SNTG2: variants seen among roughly 807,000 people sequenced by gnomAD.
SNTG2 encodes the protein gamma-2-syntrophin.
Under a neutral mutation model 70.9 loss-of-function variants are expected in SNTG2, and 74 were observed. The observed-to-expected ratio is 1.04, with a 90% CI of 0.86 to 1.27. The LOEUF is 1.27. Ranked by LOEUF, SNTG2 falls within the 50% of genes most tolerant of loss-of-function variation. SNTG2 has a pLI of 0.00. For missense variants in SNTG2, 717 were observed against 690.7 expected (o/e 1.04, Z -0.43); for synonymous variants, 278 against 273.8 (o/e 1.02, Z -0.15).
chr2:1,077,855 T>A (rs1002861319), intron 1 of SNTG2, among the ~76,000 whole-genome samples: 2 of 152,204 alleles, frequency 1.3e-5, no homozygotes, highest in Non-Finnish European at 2.9e-5. Flanking sequence ...AAGATCTTTC[T>A]CCGTAGGAAT....
chr2:1,039,430 CTT>C (rs1661307881), intron 1 of SNTG2, among the ~76,000 whole-genome samples: 1 of 152,058 alleles, frequency 6.6e-6, no homozygotes, highest in Admixed American at 6.6e-5. Context: ...GTTAAAAAGT[CTT>C]TTGATCTTTG....
intron 9 of SNTG2, among the ~76,000 whole-genome samples, chr2:1,229,958 G>A (rs1002819301): frequency 1.8e-4 from 27 of 152,180 alleles, no homozygotes; most frequent in Admixed American, 5.9e-4. Context: ...CGCAGCCCCC[G>A]TTCCCGCTCG....
chr2:1,139,689 C>T (rs570312538), intron 6 of SNTG2, among the ~76,000 whole-genome samples: 25 of 152,118 alleles, frequency 1.6e-4, no homozygotes, highest in African/African-American at 6.0e-4. Flanking sequence ...TCTAGTCAGG[C>T]ATGGTGGCGC....
intron 4 of SNTG2, among the ~76,000 whole-genome samples, chr2:1,132,184 CAT>C (rs1206599813): frequency 3.3e-5 from 5 of 151,378 alleles, no homozygotes; most frequent in Non-Finnish European, 7.4e-5. Flanking sequence ...AGATAATCTC[CAT>C]ATATATGTGT....
At chr2:1,329,754 C>T (rs551130415) in intron 16 of SNTG2, among the ~76,000 whole-genome samples, 1 of 152,226 alleles carries the variant, frequency 6.6e-6, no homozygotes, top group Non-Finnish European at 1.5e-5. Context: ...CTGTACGCAT[C>T]GTGTGGGGGA....
At chr2:1,230,675 C>G (rs558531323) in intron 9 of SNTG2, among the ~76,000 whole-genome samples, 3 of 152,226 alleles carry the variant, frequency 2.0e-5, no homozygotes, top group Admixed American at 1.3e-4. Flanking sequence ...TCCCACCTTA[C>G]GGATAGCACA....
chr2:1,245,686 G>A (rs1033577638), intron 11 of SNTG2, among the ~76,000 whole-genome samples: 5 of 152,138 alleles, frequency 3.3e-5, no homozygotes, highest in Admixed American at 2.6e-4. Flanking sequence ...AAAAATATAA[G>A]TATGTGACCC....
At chr2:1,116,101 G>A (rs1188164067) in intron 4 of SNTG2, among the ~76,000 whole-genome samples, 1 of 152,188 alleles carries the variant, frequency 6.6e-6, no homozygotes, top group Non-Finnish European at 1.5e-5. Flanking sequence ...TGCAGTTCAC[G>A]TACACAATGG....
At chr2:1,288,988 G>A (rs1485658604) in intron 14 of SNTG2, among the ~76,000 whole-genome samples, 2 of 152,026 alleles carry the variant, frequency 1.3e-5, no homozygotes, top group African/African-American at 2.4e-5. Flanking sequence ...CTTGGCCTTT[G>A]AGATTGTTGA....
chr2:1,232,693 C>T (rs1676337890), intron 9 of SNTG2, among the ~76,000 whole-genome samples: 1 of 152,178 alleles, frequency 6.6e-6, no homozygotes, highest in Non-Finnish European at 1.5e-5. Flanking sequence ...AGAAATGCCA[C>T]TGCATGACAG....
At chr2:1,236,868 T>C (rs1235316695) in intron 9 of SNTG2, among the ~76,000 whole-genome samples, 2 of 152,258 alleles carry the variant, frequency 1.3e-5, no homozygotes, top group Non-Finnish European at 2.9e-5. Flanking sequence ...TGCTTTGTTC[T>C]GTATTTTATC....
intron 10 of SNTG2, among the ~76,000 whole-genome samples, chr2:1,239,393 C>T (rs926171680): frequency 5.9e-5 from 9 of 152,148 alleles, no homozygotes; most frequent in African/African-American, 1.4e-4. Context: ...CTGTGATCAC[C>T]GTAATTACCA....
At chr2:1,262,204 G>A (rs575579961) in intron 13 of SNTG2, among the ~76,000 whole-genome samples, 1 of 152,284 alleles carries the variant, frequency 6.6e-6, no homozygotes, top group Non-Finnish European at 1.5e-5. Flanking sequence ...GGATGAGAGG[G>A]TTTCTACAAG....
At chr2:1,278,040 T>C (rs1001339695) in intron 14 of SNTG2, among the ~76,000 whole-genome samples, 7 of 152,280 alleles carry the variant, frequency 4.6e-5, no homozygotes, top group African/African-American at 1.4e-4. Context: ...ATGGTGATTA[T>C]TTCATTTATC....
chr2:951,855 C>A (rs1397963216), intron 1 of SNTG2, among the ~76,000 whole-genome samples: 1 of 152,090 alleles, frequency 6.6e-6, no homozygotes, highest in Admixed American at 6.6e-5. Flanking sequence ...AATGCATTGA[C>A]AACCACTCCT....
intron 1 of SNTG2, among the ~76,000 whole-genome samples, chr2:1,030,068 T>C (rs79328653): frequency 4.1e-4 from 63 of 152,322 alleles, no homozygotes; most frequent in Non-Finnish European, 8.2e-4. Context: ...GGCTGCAGGT[T>C]GTCTTAGGGA....
At chr2:977,963 T>C (rs1354025639) in intron 1 of SNTG2, among the ~76,000 whole-genome samples, 1 of 152,262 alleles carries the variant, frequency 6.6e-6, no homozygotes, top group Non-Finnish European at 1.5e-5. Context: ...TGTCATTATC[T>C]GTAACATCAG....
chr2:1,138,698 C>A (rs62107452), intron 6 of SNTG2, among the ~76,000 whole-genome samples: 3 of 152,002 alleles, frequency 2.0e-5, no homozygotes, highest in Admixed American at 6.6e-5. Flanking sequence ...AGAGCCCTCA[C>A]GGGAGTTTAA....
Position 1,231,539 on chromosome 2 carries a change from C to G in SNTG2, c.720-6349C>G, listed in dbSNP as rs531827919. ...AAGCCATTCAATGCAGCACTGTGCC[C>G]TCGCTCCAGATGGTCCCCAGTGGAG... is the stretch of plus-strand genomic sequence containing the variant. On this transcript the variant is annotated intron_variant, in intron 9 of 16. Coordinates refer to ENST00000308624, the MANE Select transcript of SNTG2 (RefSeq NM_018968.4). Among the ~76,000 whole-genome samples, 2 of 152,300 alleles carry G rather than the reference C, an allele frequency of 1.3e-5. 1 individual carries two copies. The highest frequency in any genetic ancestry group is 4.8e-5 in the African/African-American group (2 of 41,560).
Sources: gnomAD v4.1 joint callset for allele counts (sites outside exome capture counted in the v4.1 genomes callset) on GRCh38, gnomAD v4.1.1 for gene constraint, MANE v1.5 for transcripts, NCBI Gene and HGNC (gene_info 2026-07-23, HGNC 2026-07-21) for gene names.